DPH1: variants seen among roughly 807,000 people sequenced by gnomAD.
DPH1 encodes the protein diphthamide biosynthesis 1.
In DPH1, 59 loss-of-function variants were observed where a neutral mutation model predicts 55.3. The ratio of observed to expected loss-of-function variants is 1.07; its 90% CI spans 0.87 to 1.33. The LOEUF (loss-of-function observed/expected upper bound fraction) is 1.33, where lower values mean the gene tolerates loss of function less well. Among genes scored for constraint, DPH1 ranks in the 40% most tolerant of loss-of-function variants. The pLI is 0.00. For missense variants in DPH1, 628 were observed against 584.8 expected, an observed-to-expected ratio of 1.07 and a Z score of -0.76; for synonymous variants, 238 against 235.5, an observed-to-expected ratio of 1.01 and a Z score of -0.10.
intron 12 of DPH1, chr17:2,042,106 G>C: frequency 6.4e-7 from 1 of 1,568,910 alleles, no homozygotes; most frequent in Non-Finnish European, 8.6e-7. Flanking sequence ...CAGAGCGAGC[G>C]GGGCTTCCGT....
Position 2,043,002 on chromosome 17 carries a change from T to C in DPH1, c.*416T>C, listed in dbSNP as rs539988638. The stretch of plus-strand genomic sequence containing the variant: ...AGAGTGTGCAACTGGCCAGCCAATT[T>C]CCCGGAGCCATCACCCTCACCCACT... On this transcript the variant is annotated 3_prime_UTR_variant, in exon 13 of 13. Coordinates refer to ENST00000263083, the MANE Select transcript of DPH1 (RefSeq NM_001383.6). The C allele has an allele frequency of 3.1e-6, 5 of 1,614,058 alleles. No homozygotes were observed. In the East Asian group the frequency reaches 8.9e-5, roughly 29 times the overall value.
At chr17:2,035,471 T>TGGTGGGGAGGTAGCGGGGGTCCAGGC (rs2067405239) in intron 3 of DPH1, among the ~76,000 whole-genome samples, 4 of 12,272 alleles carry the variant, frequency 3.3e-4, no homozygotes, top group Middle Eastern at 0.062. Flanking sequence ...GGGGTCCGGG[T>TGGTGGGGAGGTAGCGGGGGTCCAGGC]GAGGGGGCCC....
At chr17:2,037,234 A>C in intron 6 of DPH1, 2 of 315,504 alleles carry the variant, frequency 6.3e-6, no homozygotes. Flanking sequence ...TGGGAATATA[A>C]TTGGAGAAGA....
chr17:2,037,578 C>A (rs2067446209), intron 6 of DPH1, among the ~76,000 whole-genome samples: 1 of 152,204 alleles, frequency 6.6e-6, no homozygotes, highest in Non-Finnish European at 1.5e-5. Context: ...GCTCCCCGAG[C>A]AGCACTGAGT....
Position 2,042,076 on chromosome 17 carries a change from T to G in DPH1, c.*18+201T>G. 6.4e-7 allele frequency: 1 copy of G among 1,562,074 alleles called. No homozygotes were observed. Among genetic ancestry groups the G allele is most frequent in the East Asian group, 2.4e-5 (1 of 42,298 alleles). On this transcript the variant is annotated intron_variant, in intron 12 of 12. Coordinates refer to ENST00000263083, the MANE Select transcript of DPH1 (RefSeq NM_001383.6). ...GCCGCGCAGCGACCCCTGCGGGTCC[T>G]GTGCCTGGCGGGCTTCCGGCAGAGC...
At chr17:2,038,170 A>G (rs1269280966) in intron 6 of DPH1, among the ~76,000 whole-genome samples, 2 of 138,554 alleles carry the variant, frequency 1.4e-5, no homozygotes, top group Non-Finnish European at 3.2e-5. Flanking sequence ...AAAAAAAAAA[A>G]AAAGAATTAG....
chr17:2,033,909 G>A (rs76946443), intron 3 of DPH1, 67 bp downstream of exon 3: 30 of 1,583,902 alleles, frequency 1.9e-5, no homozygotes, highest in Non-Finnish European at 2.4e-5. Context: ...TCATTACCCG[G>A]GTGGGTAAAG....
Position 2,041,523 on chromosome 17 carries a change from C to G in DPH1, c.1129C>G (p.Pro377Ala). ...GGACATTTCCTGGCAGCAGCCCTACCCGATGGACTTCTACGCTGGCAGCTC... is the reference window on the plus strand; with the variant it reads ...GGACATTTCCTGGCAGCAGCCCTACGCGATGGACTTCTACGCTGGCAGCTC... ...LRDISWQQPYPMDFYAGSSLG... is the reference protein window; with the variant it reads ...LRDISWQQPYAMDFYAGSSLG... Residue 377 changes from proline to alanine, a missense_variant, in exon 11 of 13, where the codon CCG becomes GCG. Pro to Ala is a conservative substitution (Grantham distance 27). Transcript: ENST00000263083. The G allele has an allele frequency of 6.2e-7, 1 of 1,612,956 alleles. No homozygotes were observed. Among genetic ancestry groups the G allele is most frequent in the South Asian group, 1.1e-5 (1 of 91,034 alleles).
Position 2,036,838 on chromosome 17 carries a change from G to C in DPH1, c.562G>C (p.Ala188Pro), listed in dbSNP as rs1239986247. ...ACTTCCCTCGTCATTCCTACAGGCA[G>C]CCGCCCAGGAGCTGAAAGCCGAGTA... ...TIQFVSTLQA[A>P]AQELKAEYRV... Residue 188 changes from alanine to proline, a missense_variant, in exon 6 of 13, where the codon GCC becomes CCC. Physicochemically the swap from Ala to Pro is conservative, Grantham distance 27. Transcript: ENST00000263083. The surrounding 1 kb of genome is among the most constrained non-coding windows in gnomAD (Gnocchi z 4.8). 6.2e-7 allele frequency: 1 copy of C among 1,613,400 alleles called. No homozygotes were observed. The highest frequency in any genetic ancestry group is 8.5e-7 in the Non-Finnish European group (1 of 1,179,854).
Position 2,036,956 on chromosome 17 carries a change from T to C in DPH1, c.680T>C (p.Val227Ala). The C allele has an allele frequency of 5.6e-6, 9 of 1,611,628 alleles. No individual in the cohort carries two copies. Among genetic ancestry groups the C allele is most frequent in the Non-Finnish European group, 7.6e-6 (9 of 1,179,290 alleles). Residue 227 changes from valine to alanine, a missense_variant and splice_region_variant, in exon 6 of 13, where the codon GTG becomes GCG. By Grantham distance (64) the Val-to-Ala change is moderately conservative. Coordinates refer to ENST00000263083, the MANE Select transcript of DPH1 (RefSeq NM_001383.6). The surrounding 1 kb of genome is among the most constrained non-coding windows in gnomAD (Gnocchi z 4.8). The stretch of plus-strand genomic sequence containing the variant: ...CTGTCCAAAGAGGTGGAGGCCGTTG[T>C]GTAAGTTAAAAATGGGGGCCAAGTA... ...PRLSKEVEAV[V>A]YLGDGRFHLE...
chr17:2,040,617 C>T lies in DPH1; in HGVS notation c.1007+12C>T, dbSNP rs1396666046. On this transcript the variant is annotated intron_variant, in intron 9 of 12. Coordinates refer to ENST00000263083, the MANE Select transcript of DPH1 (RefSeq NM_001383.6). ...CCTGAGGTGGATGTGTGAGTATCTGCCTGGCTATGACTGGCTAAAGAAGCT... is the reference window on the plus strand; with the variant it reads ...CCTGAGGTGGATGTGTGAGTATCTGTCTGGCTATGACTGGCTAAAGAAGCT... The T allele has an allele frequency of 1.2e-6, 2 of 1,613,014 alleles. No individual in the cohort carries two copies. Among genetic ancestry groups the T allele is most frequent in the Non-Finnish European group, 1.7e-6 (2 of 1,179,138 alleles).
In DPH1 at chr17:2,036,102, G is replaced by T; in HGVS notation, c.400+11G>T. ...GCCACAGTTGCCTGAGTATGGTGGG[G>T]CCAGGACACCTGGACGGTGGCGGGG... On this transcript the variant is annotated intron_variant, in intron 4 of 12. Transcript: ENST00000263083. This position sits in a 1 kb window ranked among gnomAD's most constrained non-coding sequence, Gnocchi z 4.8. 1 of 1,613,588 alleles carries T rather than the reference G, an allele frequency of 6.2e-7. No homozygotes were observed. Among genetic ancestry groups the T allele is most frequent in the Non-Finnish European group, 8.5e-7 (1 of 1,179,772 alleles).
intron 12 of DPH1, 100 bp downstream of exon 12, chr17:2,041,975 TCCGCC>T: frequency 6.6e-7 from 1 of 1,504,666 alleles, no homozygotes; most frequent in African/African-American, 1.4e-5. Context: ...GACGTTCGGT[TCCGCC>T]CCGTGCATTG....
rs1484851538 is a variant in DPH1, at chr17:2,040,294, A to G, written c.826A>G (p.Ile276Val). The G allele has an allele frequency of 3.7e-6, 6 of 1,613,978 alleles. No homozygotes were observed. The African/African-American group carries it at 4.0e-5, about 11-fold the overall frequency. The stretch of plus-strand genomic sequence containing the variant: ...CATGCAGGCTGCTCGCCAAGAAGCC[A>G]TAGCCACTGCCCGCTCAGCTAAGTC... ...QRMQAARQEA[I>V]ATARSAKSWG... The change falls in exon 8 of 13, where the codon ATA (isoleucine) becomes GTA (valine). Residue 276 changes from isoleucine (I) to valine (V), a missense_variant. Transcript: ENST00000263083.
Position 2,043,160 on chromosome 17 carries a change from C to T in DPH1, c.*574C>T. 2 of 1,563,254 alleles carry T rather than the reference C, an allele frequency of 1.3e-6. No homozygotes were observed. The highest frequency in any genetic ancestry group is 1.7e-6 in the Non-Finnish European group (2 of 1,151,764). On this transcript the variant is annotated 3_prime_UTR_variant, in exon 13 of 13. Transcript: ENST00000263083. ...CAGCTCCTCTAGGGGCAGCCTCCGT[C>T]ATCCATGCCCTCCCAGGACCCTCCA...
chr17:2,042,910 C>T lies in DPH1; in HGVS notation c.*324C>T. The T allele has an allele frequency of 6.2e-7, 1 of 1,614,204 alleles. No individual in the cohort carries two copies. Among genetic ancestry groups the T allele is most frequent in the Non-Finnish European group, 8.5e-7 (1 of 1,180,044 alleles). On this transcript the variant is annotated 3_prime_UTR_variant, in exon 13 of 13. Transcript: ENST00000263083. ...CATTGGGTTCAAGGAATCCATCCTG[C>T]AAAGGCCCTTGTCATTGCCTTCGCT...
In DPH1 at chr17:2,042,641, GGTTTTCAGAGCAGGAGGCCGAC is replaced by G. The variant is rs1010289287; in HGVS notation, c.*62_*83del. ...CCGGAGGAGCAGCCTCGAGGCTGGT[GGTTTTCAGAGCAGGAGGCCGAC>G]GTTTTCTCCGCATTGGAAGAGCCCG... On this transcript the variant is annotated 3_prime_UTR_variant, in exon 13 of 13. Transcript: ENST00000263083. The G allele has an allele frequency of 9.2e-6, 14 of 1,521,390 alleles. No homozygotes were observed. The highest frequency in any genetic ancestry group is 1.4e-5 in the African/African-American group (1 of 71,720). 94.2% of individuals were successfully genotyped at this position (1,521,390 alleles called of 1,614,324 possible).
intron 12 of DPH1, chr17:2,042,269 C>T (rs1039138827): frequency 7.1e-7 from 1 of 1,404,538 alleles, no homozygotes; most frequent in Non-Finnish European, 9.2e-7. Flanking sequence ...ACTCAGTTTC[C>T]TCCATCTTGT....
intron 1 of DPH1, 29 bp downstream of exon 1, chr17:2,030,259 A>G: frequency 6.5e-7 from 1 of 1,549,784 alleles, no homozygotes; most frequent in Non-Finnish European, 8.7e-7. Flanking sequence ...CGCCCTCCAG[A>G]CCTCGCATCT....
Sources: allele counts gnomAD v4.1 joint callset (sites outside exome capture counted in the v4.1 genomes callset), GRCh38; gene constraint gnomAD v4.1.1; non-coding constraint Gnocchi (gnomAD v3.1); transcripts MANE v1.5; gene names NCBI Gene and HGNC (gene_info 2026-07-23, HGNC 2026-07-21).